Variants in CHST6 observed in about 807,000 individuals in gnomAD.
The protein encoded by CHST6 is carbohydrate sulfotransferase 6.
For missense variants in CHST6, 698 were observed against 586.2 expected (o/e 1.19, Z -1.97); for synonymous variants, 309 against 276.4 (o/e 1.12, Z -1.17).
chr16:75,478,502 T>C lies in CHST6; in HGVS notation c.*139A>G, dbSNP rs149297341. ...CAAGAGAGAAAGAAACGTGCAGTCCTTGCCTACTTGGGGAGGGGGAGGGGT... is the reference window on the plus strand; with the variant it reads ...CAAGAGAGAAAGAAACGTGCAGTCCCTGCCTACTTGGGGAGGGGGAGGGGT... On this transcript the variant is annotated 3_prime_UTR_variant, in exon 3 of 3. Coordinates refer to ENST00000332272, the MANE Select transcript of CHST6 (RefSeq NM_021615.5). 114 of 824,316 alleles carry C rather than the reference T, an allele frequency of 1.4e-4. 1 individual carries two copies. In the East Asian group the frequency reaches 2.8e-3, roughly 20 times the overall value. 51.1% of individuals were successfully genotyped at this position (824,316 alleles called of 1,614,324 possible). A position where few individuals can be genotyped will look rare whatever the true frequency, so the allele number is the denominator to read the frequency against.
chr16:75,472,805 G>C lies in CHST6; in HGVS notation c.*5836C>G, dbSNP rs1437346003. ...TCCCCAACAGCCTCTTGATAGGTGG[G>C]TTCTCTGACCTATTCCAGGCAACAC... On this transcript the variant is annotated 3_prime_UTR_variant, in exon 3 of 3. Transcript: ENST00000332272. 1 of 152,178 alleles carries C rather than the reference G, an allele frequency of 6.6e-6. No homozygotes were observed. Among genetic ancestry groups the C allele is most frequent in the Admixed American group, 6.6e-5 (1 of 15,262 alleles). The allele number at this position is 152,178 out of a possible 1,614,324, so 9.4% of individuals were successfully genotyped here. A position where few individuals can be genotyped will look rare whatever the true frequency, so the allele number is the denominator to read the frequency against.
At chr16:75,494,323 G>A (rs781340932) in intron 1 of CHST6, among the ~76,000 whole-genome samples, 2 of 152,122 alleles carry the variant, frequency 1.3e-5, no homozygotes, top group African/African-American at 2.4e-5. Flanking sequence ...CCCAGCTCCC[G>A]GAGCAGCATA....
chr16:75,486,847 G>C (rs1200452454), intron 1 of CHST6, among the ~76,000 whole-genome samples: 1 of 152,106 alleles, frequency 6.6e-6, no homozygotes, highest in Non-Finnish European at 1.5e-5. Flanking sequence ...AGGTGGGAAG[G>C]GTGCAGGGGC....
intron 1 of CHST6, among the ~76,000 whole-genome samples, chr16:75,494,035 G>A (rs532589871): frequency 6.6e-6 from 1 of 152,148 alleles, no homozygotes; most frequent in African/African-American, 2.4e-5. Flanking sequence ...AGTAGAGATG[G>A]GGTTTCACCA....
rs2080089553 is a variant in CHST6, at chr16:75,478,434, G to C, written c.*207C>G. 1.6e-6 allele frequency: 1 copy of C among 609,886 alleles called. No individual in the cohort carries two copies. The highest frequency in any genetic ancestry group is 2.9e-6 in the Non-Finnish European group (1 of 343,224). The allele number at this position is 609,886 out of a possible 1,614,324, so 37.8% of individuals were successfully genotyped here. ...GTTGCTTTCCATGAAGAGTGCACCTGATGAGAAGGCAGCTCCAGAGGACTC... is the reference window on the plus strand; with the variant it reads ...GTTGCTTTCCATGAAGAGTGCACCTCATGAGAAGGCAGCTCCAGAGGACTC... On this transcript the variant is annotated 3_prime_UTR_variant, in exon 3 of 3. Coordinates refer to ENST00000332272, the MANE Select transcript of CHST6 (RefSeq NM_021615.5).
Position 75,474,445 on chromosome 16 carries a change from T to A in CHST6, c.*4196A>T. ...GCACGACACCATGCCCTGCTAATTT[T>A]TTTTTAACTTTGTAGAGATGGGGTC... On this transcript the variant is annotated 3_prime_UTR_variant, in exon 3 of 3. Coordinates refer to ENST00000332272, the MANE Select transcript of CHST6 (RefSeq NM_021615.5). The A allele has an allele frequency of 2.5e-6, 1 of 393,254 alleles. No homozygotes were observed. Among genetic ancestry groups the A allele is most frequent in the Non-Finnish European group, 4.5e-6 (1 of 223,128 alleles). 24.4% of individuals were successfully genotyped at this position (393,254 alleles called of 1,614,324 possible). A position where few individuals can be genotyped will look rare whatever the true frequency, so the allele number is the denominator to read the frequency against.
In CHST6 at chr16:75,478,953, C is replaced by A. The variant is rs771114000; in HGVS notation, c.876G>T (p.Gly292=). 1.4e-5 allele frequency: 22 copies of A among 1,613,050 alleles called. No individual in the cohort carries two copies. The highest frequency in any genetic ancestry group is 1.9e-5 in the Non-Finnish European group (22 of 1,179,952). Residue 292 remains glycine, a synonymous_variant, in exon 3 of 3, where the codon GGG becomes GGT. Transcript: ENST00000332272. The stretch of plus-strand genomic sequence containing the variant: ...CCTCGAGCTGTGGCGTGAGACTGAG[C>A]CCAGTGAAGGCGTAGAGCGCACGGA... ...AEIRALYAFT[G]LSLTPQLEAW... is the part of the protein sequence containing the mutation.
chr16:75,483,885 G>A (rs1337820344), intron 1 of CHST6, among the ~76,000 whole-genome samples: 2 of 151,966 alleles, frequency 1.3e-5, no homozygotes, highest in Non-Finnish European at 2.9e-5. Context: ...TTAGCCCAGT[G>A]CAGTGGCGCG....
Position 75,478,478 on chromosome 16 carries a change from A to AAGAG in CHST6, c.*159_*162dup. 1.4e-6 allele frequency: 1 copy of AAGAG among 701,670 alleles called. No individual in the cohort carries two copies. Among genetic ancestry groups the AAGAG allele is most frequent in the Non-Finnish European group, 2.5e-6 (1 of 406,886 alleles). 43.5% of individuals were successfully genotyped at this position (701,670 alleles called of 1,614,324 possible). A position where few individuals can be genotyped will look rare whatever the true frequency, so the allele number is the denominator to read the frequency against. On this transcript the variant is annotated 3_prime_UTR_variant, in exon 3 of 3. Transcript: ENST00000332272. ...AGGACTCAAAGGAAAACCAAGAATC[A>AAGAG]AGAGAGAAAGAAACGTGCAGTCCTT...
intron 2 of CHST6, 34 bp from the exon 3 acceptor site, chr16:75,479,878 A>G: frequency 6.6e-7 from 1 of 1,520,090 alleles, no homozygotes; most frequent in Non-Finnish European, 8.8e-7. Context: ...TAGGGGCTGC[A>G]GCCTGCACGC....
chr16:75,479,255 C>T lies in CHST6; in HGVS notation c.574G>A (p.Ala192Thr), dbSNP rs570082634. The T allele has an allele frequency of 1.4e-5, 22 of 1,612,386 alleles. No homozygotes were observed. The East Asian group carries it at 3.8e-4, about 28-fold the overall frequency. ...QVLYPLLSDPALNLRIVHLVR... is the reference protein window; with the variant it reads ...QVLYPLLSDPTLNLRIVHLVR... The stretch of plus-strand genomic sequence containing the variant: ...AGGTGCACGATGCGTAGGTTGAGCG[C>T]GGGGTCGCTGAGCAGCGGGTAGAGC... The change falls in exon 3 of 3, where the codon GCG becomes ACG. Residue 192 changes from alanine (A) to threonine (T), a missense_variant. Physicochemically the swap from Ala to Thr is moderately conservative, Grantham distance 58. Transcript: ENST00000332272.
At chr16:75,491,190 A>AAAAAAAT (rs1206595857) in intron 1 of CHST6, among the ~76,000 whole-genome samples, 35 of 50,082 alleles carry the variant, frequency 7.0e-4, no homozygotes, top group African/African-American at 1.9e-3. Flanking sequence ...AAAAAAAAAA[A>AAAAAAAT]ATATATATAT....
At chr16:75,483,836 C>A (rs562704836) in intron 1 of CHST6, among the ~76,000 whole-genome samples, 1 of 151,772 alleles carries the variant, frequency 6.6e-6, no homozygotes, top group Non-Finnish European at 1.5e-5. Context: ...CCAGCCTGGG[C>A]AACATGGCCA....
rs774830878 is a variant in CHST6 at position 75,479,710 on chromosome 16, C to T, written c.119G>A (p.Arg40His). 3.7e-6 allele frequency: 6 copies of T among 1,609,358 alleles called. No individual in the cohort carries two copies. In the East Asian group the frequency reaches 1.3e-4, roughly 36 times the overall value. The change falls in exon 3 of 3, where the codon CGC becomes CAC. Residue 40 changes from arginine to histidine, a missense_variant. By Grantham distance (29) the Arg-to-His change is conservative. Transcript: ENST00000332272. Reference sequence around the variant, plus strand: ...CGAGGACAGCACCAGCACATGCACGCGCGCCTCGCCGCCTGCTGGGGACGA... The same window carrying T: ...CGAGGACAGCACCAGCACATGCACGTGCGCCTCGCCGCCTGCTGGGGACGA... ...GPSSPAGGEARVHVLVLSSWR... is the reference protein window; with the variant it reads ...GPSSPAGGEAHVHVLVLSSWR...
intron 1 of CHST6, among the ~76,000 whole-genome samples, chr16:75,491,184 AAAAAAAATATATATATATAT>A: frequency 1.3e-5 from 1 of 77,224 alleles, no homozygotes; most frequent in South Asian, 5.4e-4. Context: ...AAAAAAAAAA[AAAAAAAATATATATATATAT>A]ATATATATAT....
At chr16:75,481,729 G>A (rs377006438) in intron 2 of CHST6, 88 bp downstream of exon 2, 61 of 433,230 alleles carry the variant, frequency 1.4e-4, no homozygotes, top group African/African-American at 1.2e-3. Flanking sequence ...GGGTTTGCAA[G>A]GAGACCAGCT....
intron 2 of CHST6, 58 bp from the exon 3 acceptor site, chr16:75,479,902 C>T (rs1597474518): frequency 1.4e-6 from 2 of 1,449,508 alleles, no homozygotes; most frequent in Non-Finnish European, 9.3e-7. Flanking sequence ...TCCCGTACCC[C>T]ACTGCCCAGT....
chr16:75,487,151 G>A (rs2080206576), intron 1 of CHST6, among the ~76,000 whole-genome samples: 1 of 152,216 alleles, frequency 6.6e-6, no homozygotes, highest in South Asian at 2.1e-4. Context: ...ATGGCTTTCT[G>A]CCGAGCACCT....
chr16:75,481,436 A>AAATAC (rs2080140402), intron 2 of CHST6, among the ~76,000 whole-genome samples: 2 of 152,078 alleles, frequency 1.3e-5, no homozygotes, highest in South Asian at 4.2e-4. Context: ...CTACCAAAAA[A>AAATAC]AATACAAAAA....
Sources: allele counts gnomAD v4.1 joint callset (sites outside exome capture counted in the v4.1 genomes callset), GRCh38; gene constraint gnomAD v4.1.1; transcripts MANE v1.5; gene names NCBI Gene and HGNC (gene_info 2026-07-23, HGNC 2026-07-21).